Variants in CHAF1B observed in about 807,000 individuals in gnomAD.
The protein encoded by CHAF1B is CAF-1 subunit B.
CHAF1B carries 10 observed loss-of-function variants against 60.7 expected under a neutral mutation model. That is an observed-to-expected ratio of 0.16 (90% CI 0.10 to 0.28). CHAF1B has a LOEUF of 0.28. CHAF1B is among the 10% of genes least tolerant of loss of function. The probability of loss-of-function intolerance (pLI) is 1.00; values close to 1 mark genes in which losing one functional copy is unlikely to be tolerated. For missense variants in CHAF1B, 558 were observed against 708.4 expected (o/e 0.79, Z 2.41); for synonymous variants, 261 against 266.1 (o/e 0.98, Z 0.19).
At chr21:36,402,721 CA>C (rs746473282) in intron 7 of CHAF1B, 36 bp from the exon 8 acceptor site, 141 of 1,547,938 alleles carry the variant, frequency 9.1e-5, no homozygotes, top group Middle Eastern at 1.7e-4. Flanking sequence ...AGAAAACAAA[CA>C]AAAAAAATAA....
chr21:36,415,048 A>G (rs1394436816), intron 12 of CHAF1B, among the ~76,000 whole-genome samples: 1 of 152,196 alleles, frequency 6.6e-6, no homozygotes, highest in African/African-American at 2.4e-5. Context: ...ACAGGTTTTG[A>G]AACTTTTCGA....
At chr21:36,388,901 C>G (rs547209014) in intron 3 of CHAF1B, 1 of 152,250 alleles carries the variant, frequency 6.6e-6, no homozygotes, top group Non-Finnish European at 1.5e-5. Context: ...AGTAGCTGCT[C>G]GTGTTTGATC....
At chr21:36,400,987 C>T (rs2146368133) in intron 7 of CHAF1B, among the ~76,000 whole-genome samples, 1 of 151,988 alleles carries the variant, frequency 6.6e-6, no homozygotes, top group African/African-American at 2.4e-5. Context: ...AGTAATGCTT[C>T]CCGGGTGCGG....
chr21:36,408,521 G>C (rs985185200), intron 8 of CHAF1B, among the ~76,000 whole-genome samples: 1 of 152,180 alleles, frequency 6.6e-6, no homozygotes, highest in Non-Finnish European at 1.5e-5. Context: ...TCAGAACCAG[G>C]TCCCCGGGGA....
intron 7 of CHAF1B, among the ~76,000 whole-genome samples, chr21:36,400,031 G>C (rs1399259737): frequency 6.6e-6 from 1 of 152,036 alleles, no homozygotes; most frequent in Admixed American, 6.6e-5. Flanking sequence ...GCAAAAATTA[G>C]CCAGCTGTGG....
intron 3 of CHAF1B, among the ~76,000 whole-genome samples, chr21:36,389,578 C>T (rs1231327204): frequency 6.8e-6 from 1 of 146,700 alleles, no homozygotes; most frequent in Admixed American, 7.0e-5. Flanking sequence ...GCACTCCAGC[C>T]TGGGCAACAG....
intron 4 of CHAF1B, among the ~76,000 whole-genome samples, chr21:36,393,334 A>T (rs1350506042): frequency 6.6e-6 from 1 of 152,186 alleles, no homozygotes; most frequent in African/African-American, 2.4e-5. Context: ...TATATGAAAC[A>T]GTCCTAAGAC....
chr21:36,389,641 T>G (rs2086066524), intron 3 of CHAF1B, among the ~76,000 whole-genome samples: 1 of 151,456 alleles, frequency 6.6e-6, no homozygotes, highest in Non-Finnish European at 1.5e-5. Context: ...TTTACCATAC[T>G]TTAAAACAAT....
chr21:36,386,581 G>C (rs1379993024), intron 2 of CHAF1B, among the ~76,000 whole-genome samples: 3 of 152,220 alleles, frequency 2.0e-5, no homozygotes, highest in African/African-American at 7.2e-5. Context: ...CTGGGTGACA[G>C]AGCCAGACCC....
At position 36,415,371 on chromosome 21, in the gene CHAF1B, A is replaced by G; in HGVS notation, c.1570A>G (p.Thr524Ala). Residue 524 changes from threonine (T) to alanine (A), a missense_variant, in exon 13 of 14, where the codon ACA (threonine) becomes GCA (alanine). Physicochemically the swap from Thr to Ala is moderately conservative, Grantham distance 58 (BLOSUM62 0). Around this residue, in one of 2 missense-constraint regions of CHAF1B, gnomAD observed 233 missense variants for 214.9 expected, o/e 1.08. Transcript: ENST00000314103. The stretch of plus-strand genomic sequence containing the variant: ...AACCAGTGTGATTTCCACCCCTTCT[A>G]CAGAAGAAATTCAGTCAGGTAAGTA... ...VPTSVISTPSTEEIQSETPGD... is the reference protein window; with the variant it reads ...VPTSVISTPSAEEIQSETPGD... The G allele has an allele frequency of 6.2e-7, 1 of 1,602,434 alleles. No individual in the cohort carries two copies. Among genetic ancestry groups the G allele is most frequent in the Non-Finnish European group, 8.6e-7 (1 of 1,169,560 alleles).
At chr21:36,395,510 C>G (rs1051309009) in intron 5 of CHAF1B, among the ~76,000 whole-genome samples, 1 of 152,186 alleles carries the variant, frequency 6.6e-6, no homozygotes, top group Non-Finnish European at 1.5e-5. Context: ...CCAGGCAAAT[C>G]CCACATGGTG....
At chr21:36,411,881 AC>A (rs1240390464) in intron 11 of CHAF1B, among the ~76,000 whole-genome samples, 4 of 152,142 alleles carry the variant, frequency 2.6e-5, no homozygotes, top group Non-Finnish European at 4.4e-5. Flanking sequence ...GGTGCGCACC[AC>A]TACGCCTGGC....
intron 13 of CHAF1B, 116 bp downstream of exon 13, chr21:36,415,505 C>A: frequency 1.3e-6 from 1 of 746,510 alleles, no homozygotes; most frequent in East Asian, 2.7e-5. Context: ...AGGGATGCAT[C>A]TTATTGGAAC....
intron 8 of CHAF1B, 83 bp downstream of exon 8, chr21:36,402,934 C>A: frequency 8.8e-7 from 1 of 1,138,570 alleles, no homozygotes; most frequent in Non-Finnish European, 1.3e-6. Flanking sequence ...CTTATCAGCT[C>A]AGTGAATGCT....
chr21:36,390,708 T>A (rs1445541059), intron 3 of CHAF1B, among the ~76,000 whole-genome samples: 1 of 152,120 alleles, frequency 6.6e-6, no homozygotes, highest in Non-Finnish European at 1.5e-5. Context: ...GAGGCTAGAG[T>A]GCAGTGGCAA....
intron 7 of CHAF1B, among the ~76,000 whole-genome samples, chr21:36,401,352 A>AAT (rs1184828105): frequency 7.1e-6 from 1 of 141,746 alleles, no homozygotes; most frequent in African/African-American, 2.6e-5. Context: ...TATTATATAT[A>AAT]ATATATTTTT....
chr21:36,391,556 G>C lies in CHAF1B; in HGVS notation c.265G>C (p.Val89Leu), dbSNP rs372344270. ...GTTACTGAATCACCCTGCAGATGCT[G>C]TCATCCTATTGTGGAAGGTGAATGA... is the stretch of plus-strand genomic sequence containing the variant. The part of the protein sequence containing the change: ...EILASGGDDA[V>L]ILLWKVNDNK... The change falls in exon 4 of 14, where the codon GTC becomes CTC. Residue 89 changes from valine (V) to leucine (L), a missense_variant. Physicochemically the swap from Val to Leu is conservative, Grantham distance 32. Around this residue, in one of 2 missense-constraint regions of CHAF1B, gnomAD observed 325 missense variants for 493.5 expected, o/e 0.66. Transcript: ENST00000314103. 4.0e-5 allele frequency: 65 copies of C among 1,605,236 alleles called. No individual in the cohort carries two copies. The highest frequency in any genetic ancestry group is 5.4e-5 in the Non-Finnish European group (63 of 1,172,640).
chr21:36,400,471 CAAAAT>C (rs2086178890), intron 7 of CHAF1B, among the ~76,000 whole-genome samples: 2 of 151,904 alleles, frequency 1.3e-5, no homozygotes, highest in African/African-American at 4.8e-5. Context: ...AACTCAGTCT[CAAAAT>C]AAATAAATAA....
At chr21:36,389,779 G>A (rs1327675781) in intron 3 of CHAF1B, among the ~76,000 whole-genome samples, 1 of 127,190 alleles carries the variant, frequency 7.9e-6, no homozygotes, top group Admixed American at 7.3e-5. Flanking sequence ...GTGTGTGTGT[G>A]TGTGTGTGTG....
Sources: gnomAD v4.1 joint callset for allele counts (sites outside exome capture counted in the v4.1 genomes callset) on GRCh38, gnomAD v4.1.1 for gene constraint, gnomAD v4.1.1 regional missense constraint, MANE v1.5 for transcripts, NCBI Gene and HGNC (gene_info 2026-07-23, HGNC 2026-07-21) for gene names.